ARHGAP44: variants seen among roughly 807,000 people sequenced by gnomAD.
ARHGAP44 encodes rho GTPase-activating protein 44.
ARHGAP44 carries 43 observed loss-of-function variants against 106.8 expected under a neutral mutation model. The ratio of observed to expected loss-of-function variants is 0.40; its 90% CI spans 0.32 to 0.52. The LOEUF (loss-of-function observed/expected upper bound fraction) is 0.52. Among genes scored for constraint, ARHGAP44 ranks in the 20% least tolerant of loss-of-function variants. The pLI is 0.48. For missense variants in ARHGAP44, 866 were observed against 1,050.5 expected, an observed-to-expected ratio of 0.82 and a Z score of 2.43; for synonymous variants, 439 against 410.3, an observed-to-expected ratio of 1.07 and a Z score of -0.85.
At chr17:12,905,315 G>T (rs1400390582) in intron 3 of ARHGAP44, among the ~76,000 whole-genome samples, 1 of 152,124 alleles carries the variant, frequency 6.6e-6, no homozygotes, top group Non-Finnish European at 1.5e-5. Context: ...TGTCCTCTCT[G>T]CTACCTAAGA....
chr17:12,958,705 TC>T lies in ARHGAP44; in HGVS notation c.1343-11del. ...CAAGAGTTCACATGTACCAATTCTT[TC>T]TTCCCCGCAGAGATAGAGTTCAACA... On this transcript the variant is annotated splice_polypyrimidine_tract_variant and intron_variant, in intron 15 of 20. Transcript: ENST00000379672. The surrounding 1 kb of genome is among the most constrained non-coding windows in gnomAD (Gnocchi z 4.1). The T allele has an allele frequency of 6.2e-7, 1 of 1,612,608 alleles. No individual in the cohort carries two copies. The highest frequency in any genetic ancestry group is 2.2e-5 in the East Asian group (1 of 44,842).
intron 1 of ARHGAP44, among the ~76,000 whole-genome samples, chr17:12,867,157 G>GAC (rs2036259024): frequency 6.6e-6 from 1 of 151,418 alleles, no homozygotes; most frequent in African/African-American, 2.4e-5. Context: ...AAGGAAACAT[G>GAC]ACAGGTCACA....
In ARHGAP44 at chr17:12,973,221, C is replaced by A. The variant is rs958802603; in HGVS notation, c.1524-81C>A. On this transcript the variant is annotated intron_variant, in intron 16 of 20. Coordinates refer to ENST00000379672, the MANE Select transcript of ARHGAP44 (RefSeq NM_014859.6). ...AGACCCTGGACCATGGAGAGAGACC[C>A]CTTACAGAAAGACAACCTTTATGTC... 1.6e-5 allele frequency: 23 copies of A among 1,427,726 alleles called. No homozygotes were observed. In the African/African-American group the frequency reaches 2.0e-4, roughly 12 times the overall value. 88.4% of individuals were successfully genotyped at this position (1,427,726 alleles called of 1,614,324 possible).
At chr17:12,976,883 C>T (rs954322782) in intron 18 of ARHGAP44, among the ~76,000 whole-genome samples, 10 of 152,266 alleles carry the variant, frequency 6.6e-5, no homozygotes, top group Non-Finnish European at 1.5e-4. Context: ...CAGGAGGAAA[C>T]GGACCCACAG....
At chr17:12,805,441 G>GT (rs1362574851) in intron 1 of ARHGAP44, among the ~76,000 whole-genome samples, 4 of 152,110 alleles carry the variant, frequency 2.6e-5, no homozygotes, top group African/African-American at 9.7e-5. Context: ...CCTAAATTGA[G>GT]TTTTTTCCAT....
At chr17:12,888,191 T>C (rs1309159941) in intron 1 of ARHGAP44, among the ~76,000 whole-genome samples, 1 of 152,070 alleles carries the variant, frequency 6.6e-6, no homozygotes, top group Non-Finnish European at 1.5e-5. Flanking sequence ...GTTGTTGGAG[T>C]AGGATCTTTT....
At position 12,984,519 on chromosome 17, in the gene ARHGAP44, TTTCTC is replaced by T; in HGVS notation, c.1940-9_1940-5del. 6.6e-7 allele frequency: 1 copy of T among 1,511,280 alleles called. No homozygotes were observed. Among genetic ancestry groups the T allele is most frequent in the Non-Finnish European group, 8.8e-7 (1 of 1,135,042 alleles). The allele number at this position is 1,511,280 out of a possible 1,614,324, so 93.6% of individuals were successfully genotyped here. ...TTTGTGTTTTGTTGTTGTGTTGTGT[TTTCTC>T]TTTCAGTTTCAAAGAAGCTGGCACC... On this transcript the variant is annotated splice_region_variant and splice_polypyrimidine_tract_variant and intron_variant, in intron 19 of 20. Coordinates refer to ENST00000379672, the MANE Select transcript of ARHGAP44 (RefSeq NM_014859.6).
At chr17:12,889,716 T>G (rs1374645592) in intron 1 of ARHGAP44, among the ~76,000 whole-genome samples, 1 of 152,160 alleles carries the variant, frequency 6.6e-6, no homozygotes, top group African/African-American at 2.4e-5. Flanking sequence ...CAGAATCTCA[T>G]CTAGATCAGA....
chr17:12,886,614 G>C (rs1172176906), intron 1 of ARHGAP44, among the ~76,000 whole-genome samples: 2 of 151,762 alleles, frequency 1.3e-5, no homozygotes, highest in African/African-American at 4.8e-5. Flanking sequence ...TTCATTATTA[G>C]TATGTACAAT....
In ARHGAP44 at chr17:12,975,119, G is replaced by GGATT. The variant is rs533423134; in HGVS notation, c.1763+810_1763+813dup. Among the ~76,000 whole-genome samples the GGATT allele has an allele frequency of 1.1e-3, 172 of 152,078 alleles. 4 individuals carry two copies. The South Asian group carries it at 0.034, about 30-fold the overall frequency. Reference sequence around the variant, plus strand: ...CCCGCCTCGGCCTCCCAAACTGCTGGGATTACAGGCCTGAGCCACCATGCC... The same window carrying GGATT: ...CCCGCCTCGGCCTCCCAAACTGCTGGGATTGATTACAGGCCTGAGCCACCATGCC... On this transcript the variant is annotated intron_variant, in intron 18 of 20. Coordinates refer to ENST00000379672, the MANE Select transcript of ARHGAP44 (RefSeq NM_014859.6).
intron 6 of ARHGAP44, among the ~76,000 whole-genome samples, chr17:12,926,864 T>A (rs2038262915): frequency 6.6e-6 from 1 of 152,082 alleles, no homozygotes; most frequent in Admixed American, 6.6e-5. Context: ...CAGATGGTGG[T>A]TCTAACTTAA....
At chr17:12,802,452 G>T (rs1294565970) in intron 1 of ARHGAP44, among the ~76,000 whole-genome samples, 1 of 152,168 alleles carries the variant, frequency 6.6e-6, no homozygotes, top group Non-Finnish European at 1.5e-5. Flanking sequence ...GGTCACTCAG[G>T]TGATTCACAT....
At chr17:12,872,437 A>C (rs1391085649) in intron 1 of ARHGAP44, among the ~76,000 whole-genome samples, 2 of 72,864 alleles carry the variant, frequency 2.7e-5, no homozygotes, top group Admixed American at 1.6e-4. Context: ...CTTGGAGTAC[A>C]TTCTCAAGAA....
intron 1 of ARHGAP44, among the ~76,000 whole-genome samples, chr17:12,810,510 C>T (rs1274188251): frequency 1.3e-5 from 2 of 152,136 alleles, no homozygotes; most frequent in Non-Finnish European, 2.9e-5. Flanking sequence ...CCAGAAAGGA[C>T]AACCATGTGA....
intron 1 of ARHGAP44, among the ~76,000 whole-genome samples, chr17:12,809,467 A>T (rs1237478444): frequency 6.6e-6 from 1 of 152,224 alleles, no homozygotes; most frequent in Non-Finnish European, 1.5e-5. Context: ...GGCAGCAGAC[A>T]AGAGAGCTTG....
chr17:12,898,756 T>C (rs2037288505), intron 3 of ARHGAP44, among the ~76,000 whole-genome samples: 1 of 152,096 alleles, frequency 6.6e-6, no homozygotes, highest in African/African-American at 2.4e-5. Flanking sequence ...CCAAGATAAA[T>C]GGGTTTGCTA....
intron 2 of ARHGAP44, among the ~76,000 whole-genome samples, chr17:12,895,231 C>G (rs976187691): frequency 6.6e-6 from 1 of 152,150 alleles, no homozygotes; most frequent in Non-Finnish European, 1.5e-5. Context: ...CTGCTCCTTA[C>G]GAACTGTTAG....
At chr17:12,914,463 A>T (rs991583604) in intron 4 of ARHGAP44, among the ~76,000 whole-genome samples, 2 of 152,186 alleles carry the variant, frequency 1.3e-5, no homozygotes, top group African/African-American at 2.4e-5. Flanking sequence ...TCCATTGCAA[A>T]ATGATCTGAT....
At chr17:12,804,098 G>C (rs2034200706) in intron 1 of ARHGAP44, among the ~76,000 whole-genome samples, 1 of 152,078 alleles carries the variant, frequency 6.6e-6, no homozygotes, top group Non-Finnish European at 1.5e-5. Flanking sequence ...ATTTTTCTTC[G>C]CTTTGCCTTC....
Sources: gnomAD v4.1 joint callset for allele counts (sites outside exome capture counted in the v4.1 genomes callset) on GRCh38, gnomAD v4.1.1 for gene constraint, Gnocchi (gnomAD v3.1) non-coding constraint, MANE v1.5 for transcripts, NCBI Gene and HGNC (gene_info 2026-07-23, HGNC 2026-07-21) for gene names.